The following SNX1 variants were observed in gnomAD, a reference collection of about 807,000 sequenced individuals.
SNX1 encodes sorting nexin-1.
Under a neutral mutation model 71.8 loss-of-function variants are expected in SNX1, and 36 were observed. The ratio of observed to expected loss-of-function variants is 0.50; its 90% CI spans 0.38 to 0.66. The LOEUF is 0.66. Ranked by LOEUF, SNX1 falls within the 30% of genes least tolerant of loss-of-function variation. The pLI is 0.00. For synonymous variants in SNX1, 254 were observed against 240.7 expected (o/e 1.06, Z -0.51); for missense variants, 612 against 646.7 (o/e 0.95, Z 0.58).
chr15:64,135,298 C>T (rs962644733), intron 12 of SNX1, among the ~76,000 whole-genome samples: 7 of 150,652 alleles, frequency 4.6e-5, no homozygotes, highest in Admixed American at 2.6e-4. Flanking sequence ...TTTGTACTAC[C>T]GTGTTAGTAG....
At position 64,136,351 on chromosome 15, in the gene SNX1, T is replaced by C. The variant is rs1021340351; in HGVS notation, c.1387T>C (p.Tyr463His). 1 of 1,614,056 alleles carries C rather than the reference T, an allele frequency of 6.2e-7. No individual in the cohort carries two copies. Among genetic ancestry groups the C allele is most frequent in the Admixed American group, 1.7e-5 (1 of 60,022 alleles). ...CCAGTGGGAGTCTCGGGTGACTCAATATGAAAGGGACTTCGAGAGGATTTC... is the reference window on the plus strand; with the variant it reads ...CCAGTGGGAGTCTCGGGTGACTCAACATGAAAGGGACTTCGAGAGGATTTC... ...ILEWESRVTQ[Y>H]ERDFERISTV... is the part of the protein sequence containing the mutation. The change falls in exon 13 of 15, where the codon TAT (tyrosine) becomes CAT (histidine). Residue 463 changes from tyrosine (Y) to histidine (H), a missense_variant. Tyr to His is a moderately conservative substitution (Grantham distance 83, BLOSUM62 2). Transcript: ENST00000559844.
At chr15:64,106,400 C>T (rs1328901714) in intron 1 of SNX1, among the ~76,000 whole-genome samples, 1 of 152,140 alleles carries the variant, frequency 6.6e-6, no homozygotes, top group African/African-American at 2.4e-5. Flanking sequence ...ATTGAATGTC[C>T]ATTCTCCCAA....
At chr15:64,130,061 A>G (rs1298216228) in intron 9 of SNX1, 32 bp downstream of exon 9, 2 of 1,545,056 alleles carry the variant, frequency 1.3e-6, no homozygotes, top group Non-Finnish European at 1.8e-6. Flanking sequence ...ACCTCCACCT[A>G]CACCTCAGGC....
At chr15:64,130,433 A>C in intron 10 of SNX1, 112 bp downstream of exon 10, 1 of 851,266 alleles carries the variant, frequency 1.2e-6, no homozygotes, top group Non-Finnish European at 2.0e-6. Flanking sequence ...TGAAATTCTC[A>C]GCCCACCTGG....
At chr15:64,097,100 G>C (rs935932098) in intron 1 of SNX1, among the ~76,000 whole-genome samples, 20 of 148,670 alleles carry the variant, frequency 1.3e-4, no homozygotes, top group Middle Eastern at 3.2e-3. Context: ...GTTCCTATGG[G>C]TTACCCCTTA....
chr15:64,096,190 G>A lies in SNX1; in HGVS notation c.159+18G>A. ...CGGTGGTCGTGAGTTTGCACCCCTC[G>A]GGGTAGCAGGCGGGAGGGCACCCCG... is the stretch of plus-strand genomic sequence containing the variant. On this transcript the variant is annotated intron_variant, in intron 1 of 14. Coordinates refer to ENST00000559844, the MANE Select transcript of SNX1 (RefSeq NM_003099.5). 1 of 1,546,060 alleles carries A rather than the reference G, an allele frequency of 6.5e-7. No individual in the cohort carries two copies. The highest frequency in any genetic ancestry group is 8.7e-7 in the Non-Finnish European group (1 of 1,145,998).
intron 2 of SNX1, chr15:64,115,563 C>CTTTTTT: frequency 3.1e-6 from 1 of 324,636 alleles, no homozygotes; most frequent in Non-Finnish European, 5.9e-6. Context: ...CTTCAAAAGG[C>CTTTTTT]TTTTTTTTTT....
chr15:64,133,379 T>C (rs758299639), intron 11 of SNX1, among the ~76,000 whole-genome samples: 5 of 152,162 alleles, frequency 3.3e-5, no homozygotes, highest in Admixed American at 6.5e-5. Context: ...TTTGGTGGCA[T>C]TGCATTCCCT....
At chr15:64,123,150 T>G (rs990243854) in intron 4 of SNX1, among the ~76,000 whole-genome samples, 1 of 152,232 alleles carries the variant, frequency 6.6e-6, no homozygotes, top group Non-Finnish European at 1.5e-5. Flanking sequence ...TGGACAGATG[T>G]GTGTAACCAG....
In SNX1 at chr15:64,134,317, C is replaced by T. The variant is rs987378958; in HGVS notation, c.1222-347C>T. 4 of 197,736 alleles carry T rather than the reference C, an allele frequency of 2.0e-5. No individual in the cohort carries two copies. Among genetic ancestry groups the T allele is most frequent in the Non-Finnish European group, 4.1e-5 (4 of 98,522 alleles). The allele number at this position is 197,736 out of a possible 1,614,324, so 12.2% of individuals were successfully genotyped here. ...TTCTTAGCTCCTGGCACATGGCAGG[C>T]ACTCAGGGAAAGTATGTAGCCTTAT... is the stretch of plus-strand genomic sequence containing the variant. On this transcript the variant is annotated intron_variant, in intron 11 of 14. Coordinates refer to ENST00000559844, the MANE Select transcript of SNX1 (RefSeq NM_003099.5). The surrounding 1 kb of genome is among the most constrained non-coding windows in gnomAD (Gnocchi z 4.1).
chr15:64,136,481 A>C, intron 13 of SNX1, 71 bp downstream of exon 13: 7 of 1,332,454 alleles, frequency 5.3e-6, no homozygotes, highest in Non-Finnish European at 7.6e-6. Context: ...GTGTTGTCCA[A>C]CTCTGTTGGG....
In SNX1 at chr15:64,142,744, C is replaced by T. The variant is rs2081427480; in HGVS notation, c.*5126C>T. The T allele has an allele frequency of 2.2e-6, 1 of 455,724 alleles. No individual in the cohort carries two copies. Among genetic ancestry groups the T allele is most frequent in the Non-Finnish European group, 4.4e-6 (1 of 226,636 alleles). The allele number at this position is 455,724 out of a possible 1,614,324, so 28.2% of individuals were successfully genotyped here. On this transcript the variant is annotated 3_prime_UTR_variant, in exon 15 of 15. Coordinates refer to ENST00000559844, the MANE Select transcript of SNX1 (RefSeq NM_003099.5). ...CGGAGTGCTGAAGATGAGGACTGGACTTCGAGCTGGTGTGATCCCAGTATT... is the reference window on the plus strand; with the variant it reads ...CGGAGTGCTGAAGATGAGGACTGGATTTCGAGCTGGTGTGATCCCAGTATT...
chr15:64,134,674 A>T lies in SNX1; in HGVS notation c.1232A>T (p.Asp411Val). 1 of 1,611,888 alleles carries T rather than the reference A, an allele frequency of 6.2e-7. No homozygotes were observed. Among genetic ancestry groups the T allele is most frequent in the Non-Finnish European group, 8.5e-7 (1 of 1,179,166 alleles). ...RLLAIVRAAFDQRMKTWQRWQ... is the reference protein window; with the variant it reads ...RLLAIVRAAFVQRMKTWQRWQ... ...ACCCCACCCCCACAGGCTGCCTTCG[A>T]CCAGCGCATGAAGACATGGCAGCGC... Residue 411 changes from aspartate to valine, a missense_variant, in exon 12 of 15, where the codon GAC becomes GTC. By Grantham distance (152) the Asp-to-Val change is radical. Around this residue, in one of 2 missense-constraint regions of SNX1, gnomAD observed 296 missense variants for 361.9 expected, o/e 0.82. Coordinates refer to ENST00000559844, the MANE Select transcript of SNX1 (RefSeq NM_003099.5). The surrounding 1 kb of genome is among the most constrained non-coding windows in gnomAD (Gnocchi z 4.1).
Position 64,137,905 on chromosome 15 carries a change from T to C in SNX1, c.*287T>C. ...ATTGATATAAATATATAAATACAAA[T>C]GTATATTTTTCAGGATGTGGTTTAG... On this transcript the variant is annotated 3_prime_UTR_variant, in exon 15 of 15. Coordinates refer to ENST00000559844, the MANE Select transcript of SNX1 (RefSeq NM_003099.5). 1 of 1,405,110 alleles carries C rather than the reference T, an allele frequency of 7.1e-7. No individual in the cohort carries two copies. The highest frequency in any genetic ancestry group is 2.6e-5 in the East Asian group (1 of 39,206). The allele number at this position is 1,405,110 out of a possible 1,614,324, so 87.0% of individuals were successfully genotyped here. A position where few individuals can be genotyped will look rare whatever the true frequency, so the allele number is the denominator to read the frequency against.
intron 2 of SNX1, among the ~76,000 whole-genome samples, chr15:64,117,238 G>A (rs1483095347): frequency 6.6e-6 from 1 of 152,044 alleles, no homozygotes; most frequent in African/African-American, 2.4e-5. Context: ...GCAAATATCT[G>A]AACTTCTTTT....
rs549703675 is a variant in SNX1 at position 64,136,334 on chromosome 15, A to C, written c.1370A>C (p.Glu457Ala). 6.5e-5 allele frequency: 105 copies of C among 1,612,970 alleles called. No individual in the cohort carries two copies. The highest frequency in any genetic ancestry group is 3.3e-4 in the Middle Eastern group (2 of 6,062). Residue 457 changes from glutamate (E) to alanine (A), a missense_variant, in exon 13 of 15, where the codon GAG becomes GCG. Glu to Ala is a moderately radical substitution (Grantham distance 107). Around this residue, in one of 2 missense-constraint regions of SNX1, gnomAD observed 296 missense variants for 361.9 expected, o/e 0.82. Coordinates refer to ENST00000559844, the MANE Select transcript of SNX1 (RefSeq NM_003099.5). ...TTCTTTCCTCTTTCTTCCCAGTGGG[A>C]GTCTCGGGTGACTCAATATGAAAGG... ...QQAKDEILEW[E>A]SRVTQYERDF...
chr15:64,096,217 A>C (rs1328868863), intron 1 of SNX1, 45 bp downstream of exon 1: 2 of 1,535,760 alleles, frequency 1.3e-6, no homozygotes, highest in South Asian at 1.2e-5. Context: ...GGCACCCCGA[A>C]AGGGAAGAGA....
intron 1 of SNX1, among the ~76,000 whole-genome samples, chr15:64,110,870 G>A (rs956182351): frequency 3.3e-5 from 5 of 152,204 alleles, no homozygotes; most frequent in African/African-American, 1.2e-4. Flanking sequence ...AAGTTAAGTG[G>A]TGGATCAGAA....
Position 64,131,742 on chromosome 15 carries a change from T to C in SNX1, c.1071T>C (p.Ser357=). ...FAKSLAMLGS[S]EDNTALSRAL... is the part of the protein sequence containing the mutation. ...AGAGTCTAGCCATGCTTGGGAGCTCTGAGGACAACACGGCATTGTCACGGG... is the reference window on the plus strand; with the variant it reads ...AGAGTCTAGCCATGCTTGGGAGCTCCGAGGACAACACGGCATTGTCACGGG... The change falls in exon 11 of 15, where the codon TCT becomes TCC. Residue 357 remains serine (S), a synonymous_variant. Transcript: ENST00000559844. The C allele has an allele frequency of 6.2e-7, 1 of 1,614,220 alleles. No individual in the cohort carries two copies. Among genetic ancestry groups the C allele is most frequent in the Non-Finnish European group, 8.5e-7 (1 of 1,180,046 alleles).
Sources: allele counts gnomAD v4.1 joint callset (sites outside exome capture counted in the v4.1 genomes callset), GRCh38; gene constraint gnomAD v4.1.1; regional missense constraint gnomAD v4.1.1; non-coding constraint Gnocchi (gnomAD v3.1); transcripts MANE v1.5; gene names NCBI Gene and HGNC (gene_info 2026-07-23, HGNC 2026-07-21).